The following LAPTM4B variants were observed in gnomAD, a reference collection of about 807,000 sequenced individuals.
The protein encoded by LAPTM4B is lysosomal protein transmembrane 4 beta, also known as lysosomal-associated transmembrane protein 4B.
In LAPTM4B, 26 loss-of-function variants were observed where a neutral mutation model predicts 28.5. The observed-to-expected ratio is 0.91, with a 90% CI of 0.67 to 1.27. The LOEUF (loss-of-function observed/expected upper bound fraction) is 1.27, where lower values mean the gene tolerates loss of function less well. Among genes scored for constraint, LAPTM4B ranks in the 50% most tolerant of loss-of-function variants. The probability of loss-of-function intolerance (pLI) is 0.00; values close to 1 mark genes in which losing one functional copy is unlikely to be tolerated. For missense variants in LAPTM4B, 288 were observed against 285.8 expected (o/e 1.01, Z -0.06); for synonymous variants, 109 against 106.4 (o/e 1.02, Z -0.15).
chr8:97,816,198 T>C lies in LAPTM4B; in HGVS notation c.408+18T>C. The C allele has an allele frequency of 6.3e-7, 1 of 1,583,706 alleles. No individual in the cohort carries two copies. The highest frequency in any genetic ancestry group is 1.7e-4 in the Middle Eastern group (1 of 5,994). ...GGCAACTGGTACGTGGACCTCTTACTGCTCCTTTTCATTAATTCTTTTCAT... is the reference window on the plus strand; with the variant it reads ...GGCAACTGGTACGTGGACCTCTTACCGCTCCTTTTCATTAATTCTTTTCAT... On this transcript the variant is annotated intron_variant, in intron 4 of 6. Transcript: ENST00000521545.
chr8:97,779,458 C>G (rs1225490874), intron 1 of LAPTM4B, among the ~76,000 whole-genome samples: 1 of 151,412 alleles, frequency 6.6e-6, no homozygotes. Context: ...GCACTCTAGC[C>G]TGGGTGACAG....
Position 97,825,145 on chromosome 8 carries a change from G to T in LAPTM4B, c.595G>T (p.Asp199Tyr). 2 of 1,573,182 alleles carry T rather than the reference G, an allele frequency of 1.3e-6. No homozygotes were observed. Among genetic ancestry groups the T allele is most frequent in the South Asian group, 1.1e-5 (1 of 90,054 alleles). Reference protein sequence around the residue: ...SDVLVYVTSNDTTVLLPPYDD... With the variant: ...SDVLVYVTSNYTTVLLPPYDD... ...TGTCCTGGTTTATGTTACCAGCAATGACACTACGGTAGGTATGATGTCACT... is the reference window on the plus strand; with the variant it reads ...TGTCCTGGTTTATGTTACCAGCAATTACACTACGGTAGGTATGATGTCACT... Residue 199 changes from aspartate to tyrosine, a missense_variant, in exon 6 of 7, where the codon GAC becomes TAC. Transcript: ENST00000521545.
intron 6 of LAPTM4B, among the ~76,000 whole-genome samples, chr8:97,845,905 T>TCCCCTCCCCG: frequency 1.9e-5 from 1 of 53,342 alleles, no homozygotes; most frequent in East Asian, 7.2e-4. Flanking sequence ...TCCCCTCCCC[T>TCCCCTCCCCG]TCCCTTCGAC....
At chr8:97,803,653 G>A (rs1816721933) in intron 1 of LAPTM4B, among the ~76,000 whole-genome samples, 1 of 152,086 alleles carries the variant, frequency 6.6e-6, no homozygotes, top group Admixed American at 6.5e-5. Context: ...GTGGATTTTT[G>A]TTTATTTGGT....
intron 6 of LAPTM4B, among the ~76,000 whole-genome samples, chr8:97,841,588 A>C (rs1420350830): frequency 6.6e-6 from 1 of 152,152 alleles, no homozygotes; most frequent in Non-Finnish European, 1.5e-5. Context: ...TCAGCCTCCC[A>C]AAGTGCTGGG....
At position 97,820,348 on chromosome 8, in the gene LAPTM4B, GCTGCCTC is replaced by G. The variant is rs2129802541; in HGVS notation, c.507+1117_507+1123del. Reference sequence around the variant, plus strand: ...GGTAGGGTCTCTCCCTGTAGTCTAGGCTGCCTCCTGCCTTGGTTTCCCAAAGTTTTGG... The same window carrying G: ...GGTAGGGTCTCTCCCTGTAGTCTAGGCTGCCTTGGTTTCCCAAAGTTTTGG... On this transcript the variant is annotated intron_variant, in intron 5 of 6. Transcript: ENST00000521545. 2.2e-5 allele frequency among the ~76,000 whole-genome samples: 3 copies of G among 137,588 alleles called. No homozygotes were observed. In the South Asian group the frequency reaches 6.7e-4, roughly 31 times the overall value. The allele number at this position is 137,588 out of a possible 152,430, so 90.3% of individuals were successfully genotyped here.
chr8:97,775,995 A>T lies in LAPTM4B; in HGVS notation c.-15A>T. 1 of 1,567,570 alleles carries T rather than the reference A, an allele frequency of 6.4e-7. No homozygotes were observed. Among genetic ancestry groups the T allele is most frequent in the Non-Finnish European group, 8.6e-7 (1 of 1,163,404 alleles). On this transcript the variant is annotated 5_prime_UTR_variant, in exon 1 of 7. Transcript: ENST00000521545. ...GAAAACTTGCGCGCGCGCTCGCGCC[A>T]CTGCGCCCGGAGCGATGAAGATGGT...
At chr8:97,818,814 C>T (rs1025781745) in intron 4 of LAPTM4B, among the ~76,000 whole-genome samples, 26 of 151,692 alleles carry the variant, frequency 1.7e-4, no homozygotes, top group African/African-American at 5.8e-4. Context: ...GATTTGCTCA[C>T]CCCAGCCTCC....
rs188958094 is a variant in LAPTM4B, at chr8:97,851,081, G to A, written c.604-316G>A. On this transcript the variant is annotated intron_variant, in intron 6 of 6. Coordinates refer to ENST00000521545, the MANE Select transcript of LAPTM4B (RefSeq NM_018407.6). ...AATCAAGTGCCTGCCCTATTTGTGT[G>A]TGCACATGGACACACTCACCTAGGG... Among the ~76,000 whole-genome samples the A allele has an allele frequency of 2.8e-3, 411 of 149,082 alleles. 5 individuals are homozygous for A. The highest frequency in any genetic ancestry group is 5.1e-3 in the Non-Finnish European group (345 of 67,976).
intron 6 of LAPTM4B, among the ~76,000 whole-genome samples, chr8:97,828,353 G>A (rs920803095): frequency 1.3e-5 from 2 of 152,120 alleles, no homozygotes; most frequent in Non-Finnish European, 2.9e-5. Flanking sequence ...GTTAAAAGGA[G>A]CATATGTCGA....
chr8:97,805,322 T>C (rs757447007), intron 1 of LAPTM4B, 31 bp from the exon 2 acceptor site: 1 of 990,072 alleles, frequency 1.0e-6, no homozygotes, highest in South Asian at 1.4e-5. Flanking sequence ...GTTACTTAAA[T>C]TCTTTTTTTT....
chr8:97,808,951 A>G (rs1015137997), intron 2 of LAPTM4B, among the ~76,000 whole-genome samples: 1 of 152,088 alleles, frequency 6.6e-6, no homozygotes, highest in Non-Finnish European at 1.5e-5. Context: ...ACAGAGCAAG[A>G]CTGCATCTCA....
intron 2 of LAPTM4B, among the ~76,000 whole-genome samples, chr8:97,814,094 A>G (rs7813044): frequency 0.45 from 68,694 of 152,078 alleles, 16,003 homozygotes; most frequent in East Asian, 0.58. Context: ...ACTTATGCCT[A>G]TAATCCCATA....
chr8:97,839,838 T>C (rs1180637780), intron 6 of LAPTM4B, among the ~76,000 whole-genome samples: 1 of 152,234 alleles, frequency 6.6e-6, no homozygotes, highest in Non-Finnish European at 1.5e-5. Context: ...GAATTTTATA[T>C]TTTTACATTG....
intron 6 of LAPTM4B, among the ~76,000 whole-genome samples, chr8:97,837,196 T>C (rs1288111812): frequency 7.8e-5 from 4 of 51,026 alleles, no homozygotes; most frequent in African/African-American, 2.8e-4. Context: ...CTCCTGCCAC[T>C]TTTTTTTTTT....
chr8:97,776,244 G>A (rs1816212154), intron 1 of LAPTM4B, 136 bp downstream of exon 1: 2 of 1,126,920 alleles, frequency 1.8e-6, no homozygotes, highest in Non-Finnish European at 2.3e-6. Context: ...AATTCTCCGG[G>A]TGCCGCGTCC....
At chr8:97,822,143 G>A (rs1407849792) in intron 5 of LAPTM4B, among the ~76,000 whole-genome samples, 5 of 152,034 alleles carry the variant, frequency 3.3e-5, no homozygotes, top group African/African-American at 9.7e-5. Context: ...AAGCCTGTGA[G>A]GCTAGGGCTG....
At chr8:97,827,945 T>TAGA (rs1448705967) in intron 6 of LAPTM4B, among the ~76,000 whole-genome samples, 1 of 151,982 alleles carries the variant, frequency 6.6e-6, no homozygotes, top group East Asian at 1.9e-4. Context: ...GTTACAATGG[T>TAGA]AGAATGTTGC....
intron 1 of LAPTM4B, among the ~76,000 whole-genome samples, chr8:97,780,983 T>A (rs1586316992): frequency 6.6e-6 from 1 of 151,722 alleles, no homozygotes; most frequent in East Asian, 1.9e-4. Flanking sequence ...GAGTTGTGAT[T>A]TATGTACTAC....
Sources: allele counts gnomAD v4.1 joint callset (sites outside exome capture counted in the v4.1 genomes callset), GRCh38; gene constraint gnomAD v4.1.1; transcripts MANE v1.5; gene names NCBI Gene and HGNC (gene_info 2026-07-23, HGNC 2026-07-21).